Variants in SPATA13 observed in about 807,000 individuals in gnomAD.
The protein encoded by SPATA13 is spermatogenesis-associated protein 13.
SPATA13 carries 50 observed loss-of-function variants against 104.0 expected under a neutral mutation model. The observed-to-expected ratio is 0.48, with a 90% CI of 0.38 to 0.61. The LOEUF is 0.61. SPATA13 is among the 20% of genes least tolerant of loss of function. The pLI is 0.00. For synonymous variants in SPATA13, 606 were observed against 667.5 expected, an observed-to-expected ratio of 0.91 and a Z score of 1.42; for missense variants, 1,524 against 1,690.6, an observed-to-expected ratio of 0.90 and a Z score of 1.73.
chr13:24,175,576 C>G (rs1192946519), intron 1 of SPATA13, among the ~76,000 whole-genome samples: 2 of 152,314 alleles, frequency 1.3e-5, no homozygotes, highest in African/African-American at 4.8e-5. Flanking sequence ...AGTTGTCTAT[C>G]TAGATTTCTT....
chr13:24,296,629 AATGCTTTCTCCC>A (rs1419544590), intron 10 of SPATA13, among the ~76,000 whole-genome samples: 3 of 152,156 alleles, frequency 2.0e-5, no homozygotes, highest in Non-Finnish European at 2.9e-5. Context: ...CCCCTGCATG[AATGCTTTCTCCC>A]ATGTAAGCCT....
At chr13:24,037,085 T>C (rs1019861083) in intron 3 of SPATA13, among the ~76,000 whole-genome samples, 2 of 151,728 alleles carry the variant, frequency 1.3e-5, no homozygotes, top group Admixed American at 1.3e-4. Flanking sequence ...ATGCTGTCAA[T>C]TTTAAATTAA....
intron 3 of SPATA13, among the ~76,000 whole-genome samples, chr13:24,056,437 A>G (rs532945652): frequency 1.3e-5 from 2 of 152,312 alleles, no homozygotes; most frequent in African/African-American, 4.8e-5. Context: ...TTCCATTTCC[A>G]TACAAGACAT....
intron 3 of SPATA13, among the ~76,000 whole-genome samples, chr13:24,098,863 G>A (rs1450777674): frequency 6.7e-6 from 1 of 149,356 alleles, no homozygotes; most frequent in Non-Finnish European, 1.5e-5. Flanking sequence ...GGAGGTGGAG[G>A]TTGCAGTGAG....
At chr13:24,197,788 A>G (rs1870150965) in intron 1 of SPATA13, among the ~76,000 whole-genome samples, 1 of 152,072 alleles carries the variant, frequency 6.6e-6, no homozygotes, top group African/African-American at 2.4e-5. Context: ...AGGATTAGTG[A>G]GGGGCCATTA....
intron 2 of SPATA13, among the ~76,000 whole-genome samples, chr13:24,239,372 G>A (rs1872720655): frequency 2.0e-5 from 3 of 152,084 alleles, no homozygotes; most frequent in Admixed American, 2.0e-4. Flanking sequence ...ATGGAGGCCA[G>A]GGACAGGAGA....
chr13:24,215,906 A>G lies in SPATA13; in HGVS notation c.-111-6913A>G, dbSNP rs117231099. On this transcript the variant is annotated intron_variant, in intron 1 of 12. Transcript: ENST00000382108. The stretch of plus-strand genomic sequence containing the variant: ...GGGGGAGGTGCAGTCTTGTGGTGAC[A>G]TCAGTTTTGGCATGGGTTGCAGGCA... Among the ~76,000 whole-genome samples the G allele has an allele frequency of 3.5e-3, 532 of 152,288 alleles. 17 individuals are homozygous for G. In the East Asian group the frequency reaches 0.085, roughly 24 times the overall value.
At chr13:24,107,757 T>G (rs989055423) in intron 3 of SPATA13, among the ~76,000 whole-genome samples, 1 of 152,188 alleles carries the variant, frequency 6.6e-6, no homozygotes, top group Non-Finnish European at 1.5e-5. Flanking sequence ...CAGCCTCTTC[T>G]CCTCTTTCTG....
At chr13:24,144,047 C>T (rs1881851142) in intron 3 of SPATA13, among the ~76,000 whole-genome samples, 1 of 152,094 alleles carries the variant, frequency 6.6e-6, no homozygotes, top group Non-Finnish European at 1.5e-5. Flanking sequence ...AGAGAGCCTC[C>T]CACCACACCC....
At chr13:24,247,607 C>G (rs868390296) in intron 2 of SPATA13, among the ~76,000 whole-genome samples, 1 of 151,648 alleles carries the variant, frequency 6.6e-6, no homozygotes, top group Non-Finnish European at 1.5e-5. Flanking sequence ...CTCAGCCCCC[C>G]AAGTAGCTGG....
chr13:24,110,443 T>C (rs899015242), intron 3 of SPATA13, among the ~76,000 whole-genome samples: 14 of 152,222 alleles, frequency 9.2e-5, no homozygotes, highest in African/African-American at 3.4e-4. Context: ...TATTGTAATA[T>C]GTCCATGGGT....
chr13:24,244,749 G>T (rs1873024814), intron 2 of SPATA13, among the ~76,000 whole-genome samples: 1 of 152,188 alleles, frequency 6.6e-6, no homozygotes, highest in Non-Finnish European at 1.5e-5. Context: ...TGTAGTCCCA[G>T]CTTCCTGGGA....
At chr13:24,042,124 C>T (rs56089905) in intron 3 of SPATA13, among the ~76,000 whole-genome samples, 71,311 of 151,896 alleles carry the variant, frequency 0.47, 17,536 homozygotes, top group African/African-American at 0.61. Context: ...TGAGAAAGCG[C>T]GGTGTCCTCT....
chr13:24,237,688 G>T (rs866399466), intron 2 of SPATA13, among the ~76,000 whole-genome samples: 2 of 152,032 alleles, frequency 1.3e-5, no homozygotes, highest in Non-Finnish European at 2.9e-5. Context: ...ATGGAGGTGG[G>T]TGCAGTGGCA....
intron 1 of SPATA13, among the ~76,000 whole-genome samples, chr13:24,217,344 G>A (rs934788826): frequency 6.6e-6 from 1 of 152,112 alleles, no homozygotes; most frequent in African/African-American, 2.4e-5. Flanking sequence ...TAGCATCAGT[G>A]GCCACAGTTG....
chr13:24,220,279 T>C (rs147467016), intron 1 of SPATA13, among the ~76,000 whole-genome samples: 1 of 152,258 alleles, frequency 6.6e-6, no homozygotes, highest in African/African-American at 2.4e-5. Flanking sequence ...TGTTTCCTTC[T>C]TGGTTATAAA....
At chr13:24,095,564 T>C (rs1880047318) in intron 3 of SPATA13, among the ~76,000 whole-genome samples, 1 of 152,320 alleles carries the variant, frequency 6.6e-6, no homozygotes, top group East Asian at 1.9e-4. Flanking sequence ...ATGGTTATGA[T>C]GGTAAATATG....
At chr13:24,146,492 C>T (rs890478769) in intron 3 of SPATA13, among the ~76,000 whole-genome samples, 9 of 152,116 alleles carry the variant, frequency 5.9e-5, no homozygotes, top group South Asian at 2.1e-4. Flanking sequence ...ATTGCTAGGG[C>T]GATACATAAC....
At chr13:24,278,568 A>G in intron 4 of SPATA13, 1 of 1,314,100 alleles carries the variant, frequency 7.6e-7, no homozygotes, top group Non-Finnish European at 9.9e-7. Context: ...ATGAGCTACC[A>G]CGCCCAGCCA....
Sources: gnomAD v4.1 joint callset for allele counts (sites outside exome capture counted in the v4.1 genomes callset) on GRCh38, gnomAD v4.1.1 for gene constraint, MANE v1.5 for transcripts, NCBI Gene and HGNC (gene_info 2026-07-23, HGNC 2026-07-21) for gene names.